The following PCSK6 variants were observed in gnomAD, a reference collection of about 807,000 sequenced individuals.
The protein encoded by PCSK6 is proprotein convertase subtilisin/kexin type 6.
A neutral mutation model predicts 123.3 loss-of-function variants in PCSK6; 85 were observed. The observed-to-expected ratio is 0.69, with a 90% confidence interval of 0.58 to 0.83. The LOEUF (loss-of-function observed/expected upper bound fraction) is 0.83. Ranked by LOEUF, PCSK6 falls within the 40% of genes least tolerant of loss-of-function variation. PCSK6 has a pLI of 0.00. For synonymous variants in PCSK6, 508 were observed against 516.0 expected (o/e 0.98, Z 0.21); for missense variants, 1,191 against 1,282.3 (o/e 0.93, Z 1.09).
intron 5 of PCSK6, 25 bp downstream of exon 5, chr15:101,429,962 G>A (rs368838598): frequency 1.4e-4 from 228 of 1,581,728 alleles, no homozygotes; most frequent in Admixed American, 2.2e-4. Flanking sequence ...AAGAGAAGCC[G>A]GGGAGATGAG....
chr15:101,431,626 C>A (rs1237679563), intron 3 of PCSK6, 163 bp from the exon 4 acceptor site: 1 of 850,192 alleles, frequency 1.2e-6, no homozygotes, highest in Non-Finnish European at 1.9e-6. Context: ...CCACTCGGAT[C>A]GAGAATCATG....
intron 7 of PCSK6, among the ~76,000 whole-genome samples, chr15:101,395,767 T>G (rs2042394425): frequency 6.6e-6 from 1 of 152,210 alleles, no homozygotes; most frequent in African/African-American, 2.4e-5. Context: ...GTTCATTTCA[T>G]GAGCTCAGAA....
chr15:101,370,479 C>G lies in PCSK6; in HGVS notation c.1577G>C (p.Ser526Thr). The change falls in exon 12 of 22, where the codon AGC becomes ACC. Residue 526 changes from serine (S) to threonine (T), a missense_variant. Ser to Thr is a moderately conservative substitution (Grantham distance 58). Around this residue, in one of 3 missense-constraint regions of PCSK6, gnomAD observed 630 missense variants for 631.4 expected, o/e 1.00. Coordinates refer to ENST00000611716, the MANE Select transcript of PCSK6 (RefSeq NM_002570.5). ...VQVLRTTALT[S>T]ACAEHSDQRV... Reference sequence around the variant, plus strand: ...CTGGTCCGAGTGCTCCGCGCAGGCGCTGGTCAGGGCCGTAGTCCGCAGCAC... The same window carrying G: ...CTGGTCCGAGTGCTCCGCGCAGGCGGTGGTCAGGGCCGTAGTCCGCAGCAC... The G allele has an allele frequency of 6.5e-7, 1 of 1,544,944 alleles. No homozygotes were observed. The highest frequency in any genetic ancestry group is 8.7e-7 in the Non-Finnish European group (1 of 1,143,044).
intron 13 of PCSK6, among the ~76,000 whole-genome samples, chr15:101,335,120 C>A (rs367893007): frequency 1.3e-5 from 2 of 152,106 alleles, no homozygotes; most frequent in African/African-American, 4.8e-5. Context: ...CCACCACGCC[C>A]GGCTACTTTT....
intron 13 of PCSK6, among the ~76,000 whole-genome samples, chr15:101,361,167 T>C (rs945153315): frequency 0.011 from 1,694 of 150,832 alleles, 35 homozygotes; most frequent in African/African-American, 0.039. Flanking sequence ...TCTCTCTCTT[T>C]TTTTTTTTTT....
intron 20 of PCSK6, among the ~76,000 whole-genome samples, chr15:101,311,011 G>A (rs1229678930): frequency 6.6e-6 from 1 of 152,198 alleles, no homozygotes; most frequent in Non-Finnish European, 1.5e-5. Context: ...GGAGGTGTTT[G>A]GATCATGGGG....
At chr15:101,318,475 G>T in intron 18 of PCSK6, 53 bp from the exon 19 acceptor site, 1 of 1,417,896 alleles carries the variant, frequency 7.1e-7, no homozygotes, top group Non-Finnish European at 9.8e-7. Context: ...GTCTAATTAT[G>T]ACTTGCCCTC....
intron 13 of PCSK6, among the ~76,000 whole-genome samples, chr15:101,345,899 C>A (rs1013993883): frequency 2.0e-5 from 3 of 152,222 alleles, no homozygotes; most frequent in African/African-American, 7.2e-5. Flanking sequence ...AACTCCTGAC[C>A]TCAGGTGATC....
chr15:101,379,408 C>T (rs117756425), intron 11 of PCSK6, among the ~76,000 whole-genome samples: 8,166 of 152,316 alleles, frequency 0.054, 404 homozygotes, highest in Non-Finnish European at 0.073. Context: ...ATCCAGTGAA[C>T]ACAGCTGTCT....
At chr15:101,473,955 C>G (rs988879193) in intron 1 of PCSK6, among the ~76,000 whole-genome samples, 6 of 152,142 alleles carry the variant, frequency 3.9e-5, no homozygotes, top group Admixed American at 3.3e-4. Context: ...TTATCAAAGT[C>G]ATGATACATA....
At chr15:101,437,942 C>T (rs902197850) in intron 2 of PCSK6, among the ~76,000 whole-genome samples, 4 of 152,028 alleles carry the variant, frequency 2.6e-5, no homozygotes, top group Non-Finnish European at 4.4e-5. Context: ...GAGGTAGTTA[C>T]GTTAATATGA....
intron 11 of PCSK6, among the ~76,000 whole-genome samples, chr15:101,373,896 C>A (rs1289216655): frequency 6.6e-6 from 1 of 152,212 alleles, no homozygotes; most frequent in Non-Finnish European, 1.5e-5. Context: ...ATGATGAAAA[C>A]TGATTTAGAA....
chr15:101,324,698 C>A (rs1321119537), intron 17 of PCSK6, among the ~76,000 whole-genome samples, 152 bp downstream of exon 17: 1 of 152,226 alleles, frequency 6.6e-6, no homozygotes, highest in Admixed American at 6.5e-5. Flanking sequence ...TTGATTTCAT[C>A]ATCTCTGCCT....
intron 21 of PCSK6, among the ~76,000 whole-genome samples, chr15:101,306,353 C>T (rs1247635825): frequency 6.6e-6 from 1 of 152,052 alleles, no homozygotes; most frequent in Non-Finnish European, 1.5e-5. Flanking sequence ...TCCCGCCACC[C>T]CCCAAAAATA....
chr15:101,467,274 CTT>C (rs36020493), intron 1 of PCSK6, among the ~76,000 whole-genome samples: 10,782 of 141,860 alleles, frequency 0.076, 1,003 homozygotes, highest in African/African-American at 0.22. Context: ...AGCAACAATT[CTT>C]TTTTTTTTTT....
chr15:101,405,666 C>T (rs1183408683), intron 6 of PCSK6, among the ~76,000 whole-genome samples: 1 of 150,088 alleles, frequency 6.7e-6, no homozygotes, highest in Admixed American at 6.7e-5. Flanking sequence ...AATGATTTTA[C>T]AACTCACTTA....
chr15:101,391,702 G>A (rs547589975), intron 8 of PCSK6, among the ~76,000 whole-genome samples: 10 of 152,326 alleles, frequency 6.6e-5, no homozygotes, highest in African/African-American at 2.4e-4. Flanking sequence ...TGAATGCTGG[G>A]ACTGTGATAT....
At chr15:101,460,223 ACT>A (rs1204123845) in intron 1 of PCSK6, among the ~76,000 whole-genome samples, 2 of 149,922 alleles carry the variant, frequency 1.3e-5, no homozygotes, top group African/African-American at 2.5e-5. Context: ...CCCTCAGAAG[ACT>A]CTCTCCTGCC....
rs373473290 is a variant in PCSK6, at chr15:101,322,479, G to A, written c.2465+41C>T. Reference sequence around the variant, plus strand: ...AAATCCATAACACACTCCAAGCAGCGCCACCGCCCTGACATTCCTCAGGTT... The same window carrying A: ...AAATCCATAACACACTCCAAGCAGCACCACCGCCCTGACATTCCTCAGGTT... On this transcript the variant is annotated intron_variant, in intron 18 of 21. Transcript: ENST00000611716. The A allele has an allele frequency of 4.7e-4, 647 of 1,380,220 alleles. 5 individuals carry two copies. The East Asian group carries it at 6.5e-3, about 14-fold the overall frequency. 85.5% of individuals were successfully genotyped at this position (1,380,220 alleles called of 1,614,324 possible). A position where few individuals can be genotyped will look rare whatever the true frequency, so the allele number is the denominator to read the frequency against.
Sources: gnomAD v4.1 joint callset for allele counts (sites outside exome capture counted in the v4.1 genomes callset) on GRCh38, gnomAD v4.1.1 for gene constraint, gnomAD v4.1.1 regional missense constraint, MANE v1.5 for transcripts, NCBI Gene and HGNC (gene_info 2026-07-23, HGNC 2026-07-21) for gene names.